Variants in TSNARE1 observed in about 807,000 individuals in gnomAD.
The protein encoded by TSNARE1 is t-SNARE domain containing 1.
A neutral mutation model predicts 62.0 loss-of-function variants in TSNARE1; 49 were observed. That is an observed-to-expected ratio of 0.79 (90% CI 0.63 to 1.00). The LOEUF is 1.00. Among genes scored for constraint, TSNARE1 ranks in the 50% least tolerant of loss-of-function variants. The probability of loss-of-function intolerance (pLI) is 0.00; values close to 1 mark genes in which losing one functional copy is unlikely to be tolerated. For missense variants in TSNARE1, 755 were observed against 700.1 expected (o/e 1.08, Z -0.88); for synonymous variants, 328 against 294.4 (o/e 1.11, Z -1.17).
intron 6 of TSNARE1, among the ~76,000 whole-genome samples, chr8:142,328,194 C>T (rs1479488520): frequency 6.6e-6 from 1 of 152,060 alleles, no homozygotes; most frequent in Non-Finnish European, 1.5e-5. Flanking sequence ...CTTCAAGCCT[C>T]CTTGCTTTTA....
At chr8:142,285,860 GC>G (rs1325400377) in intron 10 of TSNARE1, among the ~76,000 whole-genome samples, 1 of 152,082 alleles carries the variant, frequency 6.6e-6, no homozygotes, top group Non-Finnish European at 1.5e-5. Flanking sequence ...ACGTGGCCAC[GC>G]CACTCTCAGA....
At chr8:142,227,826 T>C (rs1816912939) in intron 13 of TSNARE1, among the ~76,000 whole-genome samples, 1 of 152,272 alleles carries the variant, frequency 6.6e-6, no homozygotes, top group Admixed American at 6.5e-5. Context: ...TGCCTCCGCA[T>C]TCCTCAGGAG....
At chr8:142,330,149 G>A (rs1830805121) in intron 6 of TSNARE1, among the ~76,000 whole-genome samples, 2 of 152,246 alleles carry the variant, frequency 1.3e-5, no homozygotes, top group South Asian at 4.1e-4. Flanking sequence ...CTCACTGCAG[G>A]GCGGGACACA....
At chr8:142,218,623 T>C (rs1237795542) in intron 13 of TSNARE1, among the ~76,000 whole-genome samples, 1 of 152,198 alleles carries the variant, frequency 6.6e-6, no homozygotes, top group African/African-American at 2.4e-5. Context: ...TCTGCCCCTG[T>C]TGACTGCCTG....
At chr8:142,255,440 CCAT>C (rs1423014884) in intron 12 of TSNARE1, among the ~76,000 whole-genome samples, 6 of 87,202 alleles carry the variant, frequency 6.9e-5, no homozygotes, top group Admixed American at 1.2e-4. Context: ...ACCACTGTCA[CCAT>C]CACCACCACC....
At chr8:142,340,897 C>T (rs1470935410) in intron 4 of TSNARE1, among the ~76,000 whole-genome samples, 1 of 152,266 alleles carries the variant, frequency 6.6e-6, no homozygotes, top group East Asian at 1.9e-4. Flanking sequence ...GGGGAAGCCA[C>T]AGCACAGCAT....
intron 12 of TSNARE1, among the ~76,000 whole-genome samples, chr8:142,261,506 CCTG>C (rs375559620): frequency 3.9e-4 from 59 of 151,976 alleles, no homozygotes; most frequent in Non-Finnish European, 7.2e-4. Context: ...GCTGGCACTC[CCTG>C]CTTTCTGTAG....
At chr8:142,304,231 T>C (rs927236496) in intron 9 of TSNARE1, among the ~76,000 whole-genome samples, 1 of 152,230 alleles carries the variant, frequency 6.6e-6, no homozygotes, top group African/African-American at 2.4e-5. Flanking sequence ...TGCCTGGCGG[T>C]GGGAGCCCAG....
chr8:142,394,612 C>A (rs1039658442), intron 1 of TSNARE1, among the ~76,000 whole-genome samples: 1 of 152,204 alleles, frequency 6.6e-6, no homozygotes. Context: ...CGGCCAGACC[C>A]CACGGGATTC....
intron 1 of TSNARE1, among the ~76,000 whole-genome samples, chr8:142,371,345 G>C (rs1835898893): frequency 1.3e-5 from 2 of 152,202 alleles, no homozygotes; most frequent in African/African-American, 4.8e-5. Flanking sequence ...CGGGTGAATG[G>C]CTGCCAGGGG....
intron 13 of TSNARE1, among the ~76,000 whole-genome samples, chr8:142,228,399 G>C (rs1816938163): frequency 6.6e-6 from 1 of 152,188 alleles, no homozygotes; most frequent in South Asian, 2.1e-4. Flanking sequence ...GTGCCCTGGG[G>C]ACAGCCATGC....
intron 12 of TSNARE1, chr8:142,270,654 A>G: frequency 1.0e-6 from 1 of 985,342 alleles, no homozygotes; most frequent in Non-Finnish European, 1.2e-6. Context: ...GTCACACCAG[A>G]TCACGCTTGG....
At chr8:142,311,782 T>G (rs1827665875) in intron 9 of TSNARE1, among the ~76,000 whole-genome samples, 1 of 152,220 alleles carries the variant, frequency 6.6e-6, no homozygotes, top group Non-Finnish European at 1.5e-5. Flanking sequence ...TTTTTTCTTT[T>G]GCATTTCAAT....
intron 1 of TSNARE1, among the ~76,000 whole-genome samples, chr8:142,362,031 A>G (rs1835204756): frequency 6.6e-6 from 1 of 152,268 alleles, no homozygotes; most frequent in African/African-American, 2.4e-5. Flanking sequence ...GATGGCCTGC[A>G]GCAGGAGGGC....
chr8:142,269,743 G>GGCGGAACCATCAGA lies in TSNARE1; in HGVS notation c.1446+5037_1446+5038insTCTGATGGTTCCGC, dbSNP rs569578003. 409 of 985,398 alleles carry GGCGGAACCATCAGA rather than the reference G, an allele frequency of 4.2e-4. 3 individuals carry two copies. In the African/African-American group the frequency reaches 6.6e-3, roughly 16 times the overall value. 61.0% of individuals were successfully genotyped at this position (985,398 alleles called of 1,614,324 possible). On this transcript the variant is annotated intron_variant, in intron 12 of 13. Transcript: ENST00000524325. ...CAGGATGGAAGGCCAGCTTTCCCAG[G>GGCGGAACCATCAGA]GTGGAACCATCAGAGTGGAGGCCCC...
rs1171020627 is a variant in TSNARE1, at chr8:142,218,141, TCAGGC to T, written c.*12-5833_*12-5829del. 5.9e-4 allele frequency among the ~76,000 whole-genome samples: 68 copies of T among 115,380 alleles called. 2 individuals are homozygous for T. Among genetic ancestry groups the T allele is most frequent in the South Asian group, 7.8e-4 (3 of 3,834 alleles). 75.7% of individuals were successfully genotyped at this position (115,380 alleles called of 152,430 possible). ...GGATCAGGGCTCCGTGTGACCAGGA[TCAGGC>T]TCAGTGTGTGGCCAGGGTCAGGCCT... is the stretch of plus-strand genomic sequence containing the variant. On this transcript the variant is annotated intron_variant, in intron 13 of 13. Coordinates refer to ENST00000524325, the MANE Select transcript of TSNARE1 (RefSeq NM_145003.5).
intron 2 of TSNARE1, among the ~76,000 whole-genome samples, chr8:142,353,669 C>T (rs1052934995): frequency 2.0e-5 from 3 of 152,282 alleles, no homozygotes; most frequent in East Asian, 1.9e-4. Context: ...AAGGAGCCAG[C>T]GAGGGCCCCT....
At chr8:142,240,126 T>C (rs780319251) in intron 12 of TSNARE1, among the ~76,000 whole-genome samples, 4 of 152,066 alleles carry the variant, frequency 2.6e-5, no homozygotes, top group Non-Finnish European at 5.9e-5. Flanking sequence ...CACAGAGGCA[T>C]AGAAGTACTG....
At chr8:142,375,960 C>T (rs1350215729) in intron 1 of TSNARE1, among the ~76,000 whole-genome samples, 2 of 152,190 alleles carry the variant, frequency 1.3e-5, no homozygotes, top group Non-Finnish European at 2.9e-5. Flanking sequence ...CTAGATCTGG[C>T]TGCCCCTCCA....
Sources: gnomAD v4.1 joint callset for allele counts (sites outside exome capture counted in the v4.1 genomes callset) on GRCh38, gnomAD v4.1.1 for gene constraint, MANE v1.5 for transcripts, NCBI Gene and HGNC (gene_info 2026-07-23, HGNC 2026-07-21) for gene names.